CHD6: variants seen among roughly 807,000 people sequenced by gnomAD.
CHD6 encodes the protein chromodomain helicase DNA binding protein 6.
A neutral mutation model predicts 276.9 loss-of-function variants in CHD6; 50 were observed. The ratio of observed to expected loss-of-function variants is 0.18; its 90% CI spans 0.14 to 0.23. The LOEUF is 0.23. Ranked by LOEUF, CHD6 falls within the 10% of genes least tolerant of loss-of-function variation. The pLI, the probability that CHD6 is intolerant of heterozygous loss-of-function variation, is 1.00. For synonymous variants in CHD6, 1,173 were observed against 1,229.3 expected, an observed-to-expected ratio of 0.95 and a Z score of 0.96; for missense variants, 2,564 against 3,365.8, an observed-to-expected ratio of 0.76 and a Z score of 5.89.
chr20:41,586,169 C>T (rs147224333), intron 1 of CHD6, among the ~76,000 whole-genome samples: 1 of 152,298 alleles, frequency 6.6e-6, no homozygotes, highest in East Asian at 1.9e-4. Flanking sequence ...TCTGTTTTCA[C>T]TCTTATTAAA....
intron 27 of CHD6, among the ~76,000 whole-genome samples, chr20:41,434,735 T>C (rs1332629583): frequency 2.0e-5 from 3 of 152,150 alleles, no homozygotes; most frequent in Non-Finnish European, 4.4e-5. Flanking sequence ...CAAAAACTGA[T>C]AGAGCTGAAA....
rs1369453813 is a variant in CHD6, at chr20:41,514,859, C to T, written c.648G>A (p.Leu216=). 6.2e-7 allele frequency: 1 copy of T among 1,613,966 alleles called. No homozygotes were observed. Among genetic ancestry groups the T allele is most frequent in the Non-Finnish European group, 8.5e-7 (1 of 1,179,984 alleles). The part of the protein sequence containing the change: ...TVESLELDQG[L]TNPSLRSPEE... ...CAGGACTCCGCAGAGATGGGTTCGTCAGGCCCTGATCCAGCTCTAAACTCT... is the reference window on the plus strand; with the variant it reads ...CAGGACTCCGCAGAGATGGGTTCGTTAGGCCCTGATCCAGCTCTAAACTCT... The change falls in exon 4 of 37, where the codon CTG becomes CTA. Residue 216 remains leucine, a synonymous_variant. Coordinates refer to ENST00000373233, the MANE Select transcript of CHD6 (RefSeq NM_032221.5).
chr20:41,444,426 G>C (rs2048000372), intron 25 of CHD6, among the ~76,000 whole-genome samples: 2 of 152,172 alleles, frequency 1.3e-5, no homozygotes, highest in South Asian at 2.1e-4. Context: ...CAGAATTAGG[G>C]CATGTCTATG....
chr20:41,440,392 A>G (rs1013553083), intron 25 of CHD6, among the ~76,000 whole-genome samples: 5 of 152,202 alleles, frequency 3.3e-5, no homozygotes, highest in Admixed American at 2.0e-4. Context: ...TAGATACACA[A>G]TTCTGTTTGC....
At chr20:41,557,689 C>A (rs568730072) in intron 1 of CHD6, among the ~76,000 whole-genome samples, 5 of 152,096 alleles carry the variant, frequency 3.3e-5, no homozygotes, top group East Asian at 1.9e-4. Flanking sequence ...CCCAGCAGAC[C>A]CCTACCAAGG....
intron 9 of CHD6, 68 bp downstream of exon 9, chr20:41,493,790 G>A: frequency 1.3e-6 from 2 of 1,562,810 alleles, no homozygotes; most frequent in Non-Finnish European, 1.8e-6. Flanking sequence ...TAAGACAAGG[G>A]TCACATGTTA....
At chr20:41,556,864 G>A (rs1228308981) in intron 1 of CHD6, among the ~76,000 whole-genome samples, 1 of 151,918 alleles carries the variant, frequency 6.6e-6, no homozygotes, top group African/African-American at 2.4e-5. Flanking sequence ...CTTTTTAAAG[G>A]CACACATTAA....
Position 41,474,465 on chromosome 20 carries a change from A to G in CHD6, c.2469-948T>C, listed in dbSNP as rs113404136. On this transcript the variant is annotated intron_variant, in intron 16 of 36. Transcript: ENST00000373233. The stretch of plus-strand genomic sequence containing the variant: ...TCTTTTCCTATTTACCCCTGACAAC[A>G]TATGAATTAACAAGGGGGATGTTAC... 8.2e-3 allele frequency among the ~76,000 whole-genome samples: 1,252 copies of G among 152,294 alleles called. 18 individuals are homozygous for G. Among genetic ancestry groups the G allele is most frequent in the African/African-American group, 0.027 (1,103 of 41,556 alleles).
intron 33 of CHD6, among the ~76,000 whole-genome samples, chr20:41,415,922 A>T (rs146454412): frequency 3.7e-4 from 57 of 152,312 alleles, no homozygotes; most frequent in Non-Finnish European, 6.6e-4. Flanking sequence ...GCAAGATGAT[A>T]ACTCAGAAAT....
chr20:41,420,455 C>T (rs999746887), intron 31 of CHD6, 53 bp downstream of exon 31: 10 of 1,535,830 alleles, frequency 6.5e-6, no homozygotes, highest in Middle Eastern at 1.8e-4. Flanking sequence ...CCCAACCCCC[C>T]GTCGTGTGTG....
Position 41,452,914 on chromosome 20 carries a change from A to G in CHD6, c.3149T>C (p.Val1050Ala). The change falls in exon 21 of 37, where the codon GTG becomes GCG. Residue 1050 changes from valine to alanine, a missense_variant. By Grantham distance (64) the Val-to-Ala change is moderately conservative. This residue lies in a region of CHD6 where 515 missense variants were observed against 739.5 expected (regional missense o/e 0.70). Transcript: ENST00000373233. This position sits in a 1 kb window ranked among gnomAD's most constrained non-coding sequence, Gnocchi z 4.2. The part of the protein sequence containing the change: ...KESLVIDRPR[V>A]RKQTKHYNSF... ...GTTGTAGTGTTTGGTCTGCTTTCTC[A>G]CGCGAGGTCGGTCGATCACTAAGCT... The G allele has an allele frequency of 6.2e-7, 1 of 1,613,752 alleles. No individual in the cohort carries two copies. Among genetic ancestry groups the G allele is most frequent in the Non-Finnish European group, 8.5e-7 (1 of 1,179,946 alleles).
chr20:41,564,368 A>G (rs2045333235), intron 1 of CHD6, among the ~76,000 whole-genome samples: 1 of 152,232 alleles, frequency 6.6e-6, no homozygotes, highest in Admixed American at 6.5e-5. Flanking sequence ...AACTACTTAT[A>G]CACACAACAT....
intron 1 of CHD6, among the ~76,000 whole-genome samples, chr20:41,590,774 G>A (rs573382552): frequency 6.6e-6 from 1 of 151,906 alleles, no homozygotes; most frequent in Non-Finnish European, 1.5e-5. Flanking sequence ...ACTGTAAACT[G>A]GTTCAACCAT....
intron 14 of CHD6, among the ~76,000 whole-genome samples, chr20:41,484,975 C>T (rs1047039219): frequency 1.3e-5 from 2 of 151,952 alleles, no homozygotes; most frequent in Non-Finnish European, 2.9e-5. Flanking sequence ...AAATTATGTT[C>T]GGAGGTATGA....
Position 41,452,826 on chromosome 20 carries a change from G to A in CHD6, c.3237C>T (p.Pro1079=), listed in dbSNP as rs1431800459. The stretch of plus-strand genomic sequence containing the variant: ...TGTCATTGAGGCGCCTGGATCTCGT[G>A]GGCCTTTCGTCTGAGTCGCTGTCTA... ...SELDSDSDER[P]TRSRRLNDKA... Residue 1079 remains proline, a synonymous_variant, in exon 21 of 37, where the codon CCC becomes CCT. Coordinates refer to ENST00000373233, the MANE Select transcript of CHD6 (RefSeq NM_032221.5). The surrounding 1 kb of genome is among the most constrained non-coding windows in gnomAD (Gnocchi z 4.2). 5.0e-6 allele frequency: 8 copies of A among 1,613,170 alleles called. No homozygotes were observed. In the Admixed American group the frequency reaches 8.4e-5, roughly 17 times the overall value.
At chr20:41,484,224 T>C in intron 15 of CHD6, 128 bp downstream of exon 15, 2 of 1,184,470 alleles carry the variant, frequency 1.7e-6, no homozygotes, top group Non-Finnish European at 2.4e-6. Flanking sequence ...TTTTATACTC[T>C]GTAAAAAGGT....
chr20:41,599,771 G>T (rs2045755288), intron 1 of CHD6, among the ~76,000 whole-genome samples: 1 of 152,138 alleles, frequency 6.6e-6, no homozygotes, highest in African/African-American at 2.4e-5. Context: ...TTGTTTCTCT[G>T]CTTAATCTAT....
chr20:41,468,402 G>A (rs1392766894), intron 17 of CHD6, among the ~76,000 whole-genome samples: 2 of 152,090 alleles, frequency 1.3e-5, no homozygotes, highest in African/African-American at 4.8e-5. Flanking sequence ...GAGCCACCGC[G>A]CCCAGCCCCA....
intron 2 of CHD6, among the ~76,000 whole-genome samples, chr20:41,537,777 T>G (rs1033044381): frequency 5.9e-5 from 9 of 152,164 alleles, no homozygotes; most frequent in African/African-American, 2.2e-4. Flanking sequence ...TCATACATTG[T>G]TGGTGGGAAT....
Sources: allele counts gnomAD v4.1 joint callset (sites outside exome capture counted in the v4.1 genomes callset), GRCh38; gene constraint gnomAD v4.1.1; regional missense constraint gnomAD v4.1.1; non-coding constraint Gnocchi (gnomAD v3.1); transcripts MANE v1.5; gene names NCBI Gene and HGNC (gene_info 2026-07-23, HGNC 2026-07-21).